The following EXT1 variants were observed in gnomAD, a reference collection of about 807,000 sequenced individuals.
The protein encoded by EXT1 is exostosin glycosyltransferase 1, also known as exostosin-1.
Under a neutral mutation model 82.5 loss-of-function variants are expected in EXT1, and 20 were observed. That is an observed-to-expected ratio of 0.24 (90% confidence interval 0.17 to 0.35). The LOEUF is 0.35. EXT1 is among the 10% of genes least tolerant of loss of function. EXT1 has a pLI of 1.00. For synonymous variants in EXT1, 348 were observed against 350.8 expected, an observed-to-expected ratio of 0.99 and a Z score of 0.09; for missense variants, 757 against 936.5, an observed-to-expected ratio of 0.81 and a Z score of 2.50.
chr8:118,092,245 A>G (rs1187635849), intron 1 of EXT1, among the ~76,000 whole-genome samples: 1 of 152,218 alleles, frequency 6.6e-6, no homozygotes, highest in Non-Finnish European at 1.5e-5. Context: ...TGTATTTGAA[A>G]AGGAGATATA....
intron 1 of EXT1, among the ~76,000 whole-genome samples, chr8:118,011,565 T>C (rs1362548121): frequency 6.6e-6 from 1 of 152,168 alleles, no homozygotes; most frequent in Non-Finnish European, 1.5e-5. Context: ...CTCTCTGAGG[T>C]CGGCATGACT....
At chr8:117,875,391 A>C (rs1812950614) in intron 1 of EXT1, among the ~76,000 whole-genome samples, 1 of 151,822 alleles carries the variant, frequency 6.6e-6, no homozygotes, top group Admixed American at 6.6e-5. Context: ...ACTGCACTCC[A>C]GCCTGGGTGA....
chr8:118,032,097 A>G (rs1816332589), intron 1 of EXT1, among the ~76,000 whole-genome samples: 1 of 145,118 alleles, frequency 6.9e-6, no homozygotes, highest in South Asian at 2.3e-4. Context: ...AGGTTGGTGC[A>G]AAAGTCATCG....
At chr8:118,110,004 C>A in intron 1 of EXT1, 81 bp downstream of exon 1, 1 of 1,606,968 alleles carries the variant, frequency 6.2e-7, no homozygotes, top group Non-Finnish European at 8.5e-7. Context: ...CGCCCTCACC[C>A]CATCCCCCAA....
At chr8:117,917,857 G>A (rs1813783962) in intron 1 of EXT1, among the ~76,000 whole-genome samples, 1 of 152,124 alleles carries the variant, frequency 6.6e-6, no homozygotes, top group Non-Finnish European at 1.5e-5. Context: ...AGGCACTGCT[G>A]ACCACCACTC....
chr8:117,831,693 A>G (rs770302301), intron 3 of EXT1: 3 of 470,810 alleles, frequency 6.4e-6, no homozygotes, highest in South Asian at 4.7e-5. Context: ...CTGCTTTAAT[A>G]GGAAAGTCAC....
chr8:117,803,001 T>C (rs938678832), intron 10 of EXT1, among the ~76,000 whole-genome samples: 1 of 152,218 alleles, frequency 6.6e-6, no homozygotes, highest in Non-Finnish European at 1.5e-5. Context: ...AGCTAAGATT[T>C]CCTTTGCAAA....
chr8:117,822,108 GA>G (rs921940055), intron 5 of EXT1, among the ~76,000 whole-genome samples: 74 of 148,446 alleles, frequency 5.0e-4, no homozygotes, highest in Admixed American at 1.9e-3. Flanking sequence ...TTGGGATTGT[GA>G]AAAAAAAAAT....
At chr8:118,058,036 C>T (rs1184304684) in intron 1 of EXT1, among the ~76,000 whole-genome samples, 1 of 151,166 alleles carries the variant, frequency 6.6e-6, no homozygotes, top group Non-Finnish European at 1.5e-5. Flanking sequence ...CAGAGCAAAC[C>T]ACTGTCACTA....
intron 1 of EXT1, among the ~76,000 whole-genome samples, chr8:118,063,408 A>G (rs1293988339): frequency 2.0e-5 from 3 of 152,012 alleles, no homozygotes; most frequent in African/African-American, 7.3e-5. Context: ...TTATTTTTCC[A>G]CCTCCCACAA....
intron 1 of EXT1, among the ~76,000 whole-genome samples, chr8:117,949,063 C>T (rs111750122): frequency 0.012 from 1,900 of 152,230 alleles, 41 homozygotes; most frequent in African/African-American, 0.042. Flanking sequence ...TGTTGTCTAA[C>T]GACTCTAATA....
At chr8:117,973,817 AAAGGAAAG>A (rs1814999252) in intron 1 of EXT1, among the ~76,000 whole-genome samples, 1 of 84,426 alleles carries the variant, frequency 1.2e-5, no homozygotes, top group Admixed American at 1.2e-4. Context: ...AAAGGAAAGG[AAAGGAAAG>A]GAAAGGAAAG....
chr8:117,801,502 C>T (rs1331264458), intron 10 of EXT1, among the ~76,000 whole-genome samples: 1 of 151,778 alleles, frequency 6.6e-6, no homozygotes, highest in East Asian at 1.9e-4. Context: ...AGTTTGTGGG[C>T]CATTTTTTTT....
chr8:117,861,021 C>G (rs758958664), intron 1 of EXT1, among the ~76,000 whole-genome samples: 1 of 152,174 alleles, frequency 6.6e-6, no homozygotes, highest in Non-Finnish European at 1.5e-5. Flanking sequence ...TAAAATTATC[C>G]AAACTCGACA....
chr8:117,935,647 G>A (rs1053799242), intron 1 of EXT1, among the ~76,000 whole-genome samples: 4 of 152,106 alleles, frequency 2.6e-5, no homozygotes, highest in Non-Finnish European at 5.9e-5. Context: ...AGGATTACAG[G>A]TGTGAGCCAC....
At chr8:117,947,585 G>T (rs1170878781) in intron 1 of EXT1, among the ~76,000 whole-genome samples, 1 of 152,180 alleles carries the variant, frequency 6.6e-6, no homozygotes, top group East Asian at 1.9e-4. Flanking sequence ...ATAACTTGGG[G>T]TTCCTAGAAA....
chr8:118,013,050 T>G (rs1351857278), intron 1 of EXT1, among the ~76,000 whole-genome samples: 2 of 152,214 alleles, frequency 1.3e-5, no homozygotes, highest in East Asian at 1.9e-4. Flanking sequence ...TTTTTTTTTC[T>G]TTGAGACAGA....
At chr8:118,092,471 T>C (rs1817539944) in intron 1 of EXT1, among the ~76,000 whole-genome samples, 1 of 152,126 alleles carries the variant, frequency 6.6e-6, no homozygotes, top group Admixed American at 6.6e-5. Flanking sequence ...AAAAACCAAA[T>C]AATTATAATG....
chr8:117,977,626 T>C (rs1182950594), intron 1 of EXT1, among the ~76,000 whole-genome samples: 2 of 152,106 alleles, frequency 1.3e-5, no homozygotes, highest in Non-Finnish European at 2.9e-5. Flanking sequence ...GAGAATAATA[T>C]AGACACTAGA....
Sources: gnomAD v4.1 joint callset for allele counts (sites outside exome capture counted in the v4.1 genomes callset) on GRCh38, gnomAD v4.1.1 for gene constraint, MANE v1.5 for transcripts, NCBI Gene and HGNC (gene_info 2026-07-23, HGNC 2026-07-21) for gene names.